Variants in ROBO1 observed in about 807,000 individuals in gnomAD.
ROBO1 encodes the protein roundabout guidance receptor 1.
ROBO1 carries 149 observed loss-of-function variants against 195.9 expected under a neutral mutation model. That is an observed-to-expected ratio of 0.76 (90% CI 0.67 to 0.87). The LOEUF (loss-of-function observed/expected upper bound fraction) is 0.87. ROBO1 is among the 40% of genes least tolerant of loss of function. The pLI, the probability that ROBO1 is intolerant of heterozygous loss-of-function variation, is 0.00. For synonymous variants in ROBO1, 816 were observed against 733.2 expected (o/e 1.11, Z -1.82); for missense variants, 1,933 against 2,068.3 (o/e 0.93, Z 1.27).
chr3:79,276,599 C>A lies in ROBO1; in HGVS notation c.89-151060G>T, dbSNP rs112400011. On this transcript the variant is annotated intron_variant, in intron 2 of 30. Coordinates refer to ENST00000464233, the MANE Select transcript of ROBO1 (RefSeq NM_002941.4). The stretch of plus-strand genomic sequence containing the variant: ...AGTAATACCCCACAAGCATAGGCAA[C>A]CAAAGCAAAAGTTGACAAATGGGAT... Among the ~76,000 whole-genome samples, 118 of 151,980 alleles carry A rather than the reference C, an allele frequency of 7.8e-4. 1 individual carries two copies. The highest frequency in any genetic ancestry group is 2.8e-3 in the African/African-American group (115 of 41,504).
chr3:79,630,520 T>A (rs576397914), intron 1 of ROBO1, among the ~76,000 whole-genome samples: 10 of 152,036 alleles, frequency 6.6e-5, no homozygotes, highest in African/African-American at 2.4e-4. Context: ...AATACCAATC[T>A]ATAGCCAACA....
chr3:78,849,531 G>A (rs1032069873), intron 4 of ROBO1, among the ~76,000 whole-genome samples: 4 of 151,944 alleles, frequency 2.6e-5, no homozygotes, highest in Admixed American at 2.0e-4. Context: ...TTGATAGTCT[G>A]GAGTTATTAT....
At chr3:79,284,680 T>A (rs972184304) in intron 2 of ROBO1, among the ~76,000 whole-genome samples, 1 of 152,174 alleles carries the variant, frequency 6.6e-6, no homozygotes, top group Non-Finnish European at 1.5e-5. Context: ...TGAGCTGGAA[T>A]TGACATAAGA....
At chr3:79,478,027 C>T (rs900761628) in intron 2 of ROBO1, among the ~76,000 whole-genome samples, 8 of 152,076 alleles carry the variant, frequency 5.3e-5, no homozygotes, top group African/African-American at 1.9e-4. Flanking sequence ...TTCCCTTCTT[C>T]ATTTTGTATA....
chr3:78,789,768 A>C (rs997476106), intron 4 of ROBO1, among the ~76,000 whole-genome samples: 2 of 152,106 alleles, frequency 1.3e-5, no homozygotes, highest in African/African-American at 4.8e-5. Flanking sequence ...AGGGACTTTT[A>C]GTTCATTAAT....
intron 1 of ROBO1, among the ~76,000 whole-genome samples, chr3:79,660,304 C>T (rs1946292424): frequency 6.6e-6 from 1 of 151,266 alleles, no homozygotes; most frequent in Non-Finnish European, 1.5e-5. Flanking sequence ...AAAGGCTATA[C>T]ATTAGTGGGT....
intron 11 of ROBO1, among the ~76,000 whole-genome samples, chr3:78,668,977 C>A (rs948919316): frequency 6.6e-6 from 1 of 152,096 alleles, no homozygotes; most frequent in Non-Finnish European, 1.5e-5. Context: ...TCATATTTTA[C>A]TTATATATTT....
chr3:78,646,080 G>T, intron 21 of ROBO1, 68 bp downstream of exon 21: 1 of 1,332,346 alleles, frequency 7.5e-7, no homozygotes, highest in African/African-American at 1.5e-5. Flanking sequence ...AGAAAGTGGT[G>T]TCATTGAGGA....
At chr3:79,009,227 A>G (rs1576557170) in intron 3 of ROBO1, among the ~76,000 whole-genome samples, 1 of 150,842 alleles carries the variant, frequency 6.6e-6, no homozygotes, top group South Asian at 2.1e-4. Context: ...GTGCTGGGAT[A>G]ACAGGTGTGA....
At chr3:79,274,358 T>C (rs559742502) in intron 2 of ROBO1, among the ~76,000 whole-genome samples, 1 of 151,908 alleles carries the variant, frequency 6.6e-6, no homozygotes, top group South Asian at 2.1e-4. Flanking sequence ...TTTTGGAAAC[T>C]GAAAAAATAC....
At chr3:79,422,811 A>G (rs949301420) in intron 2 of ROBO1, among the ~76,000 whole-genome samples, 1 of 152,122 alleles carries the variant, frequency 6.6e-6, no homozygotes, top group Non-Finnish European at 1.5e-5. Flanking sequence ...ATAAAAGTAG[A>G]ATCAAGAGTA....
intron 2 of ROBO1, among the ~76,000 whole-genome samples, chr3:79,321,919 A>G (rs2033996915): frequency 6.6e-6 from 1 of 152,192 alleles, no homozygotes; most frequent in African/African-American, 2.4e-5. Flanking sequence ...TTCAAATTTT[A>G]GCAGGTATCA....
intron 4 of ROBO1, among the ~76,000 whole-genome samples, chr3:78,918,404 T>A: frequency 6.6e-6 from 1 of 152,134 alleles, no homozygotes; most frequent in Non-Finnish European, 1.5e-5. Flanking sequence ...AGAGAGCGGC[T>A]TGGAAAAGTT....
intron 1 of ROBO1, among the ~76,000 whole-genome samples, chr3:79,734,383 C>T (rs1467996484): frequency 6.6e-6 from 1 of 152,190 alleles, no homozygotes; most frequent in Non-Finnish European, 1.5e-5. Context: ...CACCAACCAG[C>T]CTCATGAAAA....
At chr3:79,063,704 G>C (rs1235081523) in intron 3 of ROBO1, among the ~76,000 whole-genome samples, 3 of 151,836 alleles carry the variant, frequency 2.0e-5, no homozygotes, top group Non-Finnish European at 4.4e-5. Flanking sequence ...CAGCTCCAGA[G>C]AGTTGATTGT....
intron 4 of ROBO1, among the ~76,000 whole-genome samples, chr3:78,831,711 A>G (rs985715480): frequency 6.6e-6 from 1 of 152,204 alleles, no homozygotes. Context: ...TTTATAAAGG[A>G]AAGAGTTTTA....
At chr3:78,802,905 C>T (rs1276332343) in intron 4 of ROBO1, among the ~76,000 whole-genome samples, 1 of 152,114 alleles carries the variant, frequency 6.6e-6, no homozygotes, top group Non-Finnish European at 1.5e-5. Flanking sequence ...AAAAGGTATA[C>T]ACATTTGTCA....
chr3:78,844,254 T>C (rs2106781626), intron 4 of ROBO1, among the ~76,000 whole-genome samples: 1 of 152,252 alleles, frequency 6.6e-6, no homozygotes, highest in African/African-American at 2.4e-5. Flanking sequence ...ACGGAGGCCT[T>C]CTCCTTCTCT....
chr3:78,639,974 T>TTCC, intron 21 of ROBO1, 76 bp from the exon 22 acceptor site: 1 of 1,189,850 alleles, frequency 8.4e-7, no homozygotes, highest in Non-Finnish European at 1.2e-6. Context: ...TTCCAATAAA[T>TTCC]TCCTCATCTT....
Sources: allele counts gnomAD v4.1 joint callset (sites outside exome capture counted in the v4.1 genomes callset), GRCh38; gene constraint gnomAD v4.1.1; transcripts MANE v1.5; gene names NCBI Gene and HGNC (gene_info 2026-07-23, HGNC 2026-07-21).